Variants in CACNB2 observed in about 807,000 individuals in gnomAD.
The protein encoded by CACNB2 is voltage-dependent L-type calcium channel subunit beta-2.
A neutral mutation model predicts 73.3 loss-of-function variants in CACNB2; 42 were observed. The observed-to-expected ratio is 0.57, with a 90% CI of 0.45 to 0.74. The LOEUF (loss-of-function observed/expected upper bound fraction) is 0.74. CACNB2 is among the 30% of genes least tolerant of loss of function. The pLI is 0.00. For synonymous variants in CACNB2, 348 were observed against 310.3 expected, an observed-to-expected ratio of 1.12 and a Z score of -1.28; for missense variants, 940 against 853.0, an observed-to-expected ratio of 1.10 and a Z score of -1.27.
At chr10:18,381,696 A>G (rs966658778) in intron 2 of CACNB2, among the ~76,000 whole-genome samples, 1 of 151,792 alleles carries the variant, frequency 6.6e-6, no homozygotes, top group Non-Finnish European at 1.5e-5. Flanking sequence ...CTCAAAAAAA[A>G]AAAAAAAAAA....
intron 2 of CACNB2, among the ~76,000 whole-genome samples, chr10:18,252,833 G>A (rs186429459): frequency 6.6e-6 from 1 of 152,292 alleles, no homozygotes; most frequent in Admixed American, 6.5e-5. Flanking sequence ...AGGTGATTTG[G>A]GAAACTGCTG....
intron 9 of CACNB2, among the ~76,000 whole-genome samples, chr10:18,525,948 C>G (rs531558006): frequency 6.6e-6 from 1 of 152,252 alleles, no homozygotes; most frequent in East Asian, 1.9e-4. Flanking sequence ...ATAAAACCAT[C>G]TTTTAGCTTT....
At chr10:18,170,638 G>A (rs1436416353) in intron 2 of CACNB2, among the ~76,000 whole-genome samples, 1 of 152,202 alleles carries the variant, frequency 6.6e-6, no homozygotes, top group African/African-American at 2.4e-5. Flanking sequence ...GGTGGGTTGT[G>A]TGTTTGTGTG....
At chr10:18,357,864 G>A (rs188943951) in intron 2 of CACNB2, among the ~76,000 whole-genome samples, 5 of 152,160 alleles carry the variant, frequency 3.3e-5, no homozygotes, top group Admixed American at 6.5e-5. Flanking sequence ...AAATCCAGCA[G>A]TACCTTTCTG....
intron 2 of CACNB2, among the ~76,000 whole-genome samples, chr10:18,277,261 T>C (rs1462069638): frequency 6.6e-6 from 1 of 152,192 alleles, no homozygotes; most frequent in Non-Finnish European, 1.5e-5. Flanking sequence ...CCGCAGAGCA[T>C]GCAGGAGGAG....
At chr10:18,207,442 A>G (rs1449117290) in intron 2 of CACNB2, among the ~76,000 whole-genome samples, 1 of 152,260 alleles carries the variant, frequency 6.6e-6, no homozygotes, top group Non-Finnish European at 1.5e-5. Context: ...GAAACAGTAT[A>G]TCAGAACTAT....
chr10:18,302,041 A>T (rs1469145999), intron 2 of CACNB2, among the ~76,000 whole-genome samples: 1 of 152,112 alleles, frequency 6.6e-6, no homozygotes, highest in African/African-American at 2.4e-5. Context: ...AAGTAAACAT[A>T]GCCTTAAGAA....
chr10:18,197,947 A>G (rs183093321), intron 2 of CACNB2, among the ~76,000 whole-genome samples: 1 of 147,460 alleles, frequency 6.8e-6, no homozygotes, highest in Non-Finnish European at 1.5e-5. Flanking sequence ...ATAGTCAATT[A>G]ATTGTATTAT....
At chr10:18,349,516 A>G (rs540462874) in intron 2 of CACNB2, among the ~76,000 whole-genome samples, 2 of 152,308 alleles carry the variant, frequency 1.3e-5, no homozygotes, top group South Asian at 4.1e-4. Flanking sequence ...TTCCAGCAGC[A>G]TAAACCTGGC....
At chr10:18,369,385 C>G (rs1003688256) in intron 2 of CACNB2, among the ~76,000 whole-genome samples, 22 of 152,172 alleles carry the variant, frequency 1.4e-4, no homozygotes, top group African/African-American at 5.1e-4. Context: ...TGGCAGTAGT[C>G]TAAACCTTGA....
chr10:18,311,807 G>A (rs1262223776), intron 2 of CACNB2, among the ~76,000 whole-genome samples: 5 of 152,080 alleles, frequency 3.3e-5, no homozygotes, highest in Admixed American at 6.6e-5. Flanking sequence ...AAGGGTCAAC[G>A]GTAGATGGCA....
chr10:18,365,633 T>C (rs538850426), intron 2 of CACNB2, among the ~76,000 whole-genome samples: 3 of 79,752 alleles, frequency 3.8e-5, no homozygotes, highest in African/African-American at 1.4e-4. Flanking sequence ...GTTATTGTTA[T>C]TTTTTAAGAG....
chr10:18,335,792 C>CACACAG (rs1564446260), intron 2 of CACNB2, among the ~76,000 whole-genome samples: 2 of 146,136 alleles, frequency 1.4e-5, no homozygotes, highest in Non-Finnish European at 3.0e-5. Context: ...AAAACACACA[C>CACACAG]ACACACACAC....
intron 2 of CACNB2, among the ~76,000 whole-genome samples, chr10:18,282,819 CA>C (rs202165550): frequency 6.6e-6 from 1 of 152,038 alleles, no homozygotes; most frequent in Non-Finnish European, 1.5e-5. Flanking sequence ...AGGTTGTTGA[CA>C]AATGGGATCT....
At chr10:18,419,674 T>C (rs2045210665) in intron 3 of CACNB2, among the ~76,000 whole-genome samples, 1 of 152,158 alleles carries the variant, frequency 6.6e-6, no homozygotes, top group African/African-American at 2.4e-5. Flanking sequence ...TCAGGGAAAG[T>C]CACAGAATAT....
At chr10:18,363,833 A>G (rs189166978) in intron 2 of CACNB2, among the ~76,000 whole-genome samples, 7 of 152,174 alleles carry the variant, frequency 4.6e-5, no homozygotes, top group Admixed American at 2.6e-4. Context: ...GGTTTGGTTT[A>G]AAAACAGATC....
Position 18,534,349 on chromosome 10 carries a change from A to G in CACNB2, c.1206+122A>G, listed in dbSNP as rs2053350174. The G allele has an allele frequency of 2.3e-5, 21 of 901,050 alleles. No homozygotes were observed. In the South Asian group the frequency reaches 2.9e-4, roughly 13 times the overall value. The allele number at this position is 901,050 out of a possible 1,614,324, so 55.8% of individuals were successfully genotyped here. A position where few individuals can be genotyped will look rare whatever the true frequency, so the allele number is the denominator to read the frequency against. On this transcript the variant is annotated intron_variant, in intron 11 of 13. Transcript: ENST00000324631. ...TGATGTATAGAGAATTTGAGGAGACATGATAGTCAAGAATTTTTAAATTGA... is the reference window on the plus strand; with the variant it reads ...TGATGTATAGAGAATTTGAGGAGACGTGATAGTCAAGAATTTTTAAATTGA...
intron 2 of CACNB2, among the ~76,000 whole-genome samples, 200 bp from the exon 3 acceptor site, chr10:18,401,724 T>G (rs2044007586): frequency 1.3e-5 from 2 of 152,180 alleles, no homozygotes; most frequent in South Asian, 4.1e-4. Flanking sequence ...GAATGGCAAC[T>G]CAGTAGACAC....
intron 3 of CACNB2, among the ~76,000 whole-genome samples, chr10:18,470,760 A>T (rs138223669): frequency 6.6e-6 from 1 of 152,042 alleles, no homozygotes; most frequent in Admixed American, 6.6e-5. Context: ...AGGCATTGAG[A>T]TGTTTGTTGC....
Sources: allele counts gnomAD v4.1 joint callset (sites outside exome capture counted in the v4.1 genomes callset), GRCh38; gene constraint gnomAD v4.1.1; transcripts MANE v1.5; gene names NCBI Gene and HGNC (gene_info 2026-07-23, HGNC 2026-07-21).